The following HORMAD2 variants were observed in gnomAD, a reference collection of about 807,000 sequenced individuals.
HORMAD2 encodes the protein HORMA domain-containing protein 2.
Under a neutral mutation model 38.8 loss-of-function variants are expected in HORMAD2, and 45 were observed. The observed-to-expected ratio is 1.16, with a 90% CI of 0.91 to 1.49. The LOEUF (loss-of-function observed/expected upper bound fraction) is 1.49. Ranked by LOEUF, HORMAD2 falls within the 40% of genes most tolerant of loss-of-function variation. The pLI is 0.00. For synonymous variants in HORMAD2, 126 were observed against 122.8 expected (o/e 1.03, Z -0.17); for missense variants, 338 against 367.0 (o/e 0.92, Z 0.65).
chr22:30,136,463 T>C (rs1923662460), intron 10 of HORMAD2, among the ~76,000 whole-genome samples: 1 of 152,180 alleles, frequency 6.6e-6, no homozygotes, highest in African/African-American at 2.4e-5. Flanking sequence ...CTTCCTGTCT[T>C]ATTTCTCCTC....
the HORMAD2 span, among the ~76,000 whole-genome samples, chr22:30,182,453 G>T: frequency 6.6e-6 from 1 of 152,196 alleles, no homozygotes. Flanking sequence ...TCAGATGCCA[G>T]CCATGGCCAC....
rs868295486 is a variant in HORMAD2 at position 30,152,831 on chromosome 22, A to G, written c.820-23232A>G. ...TTTGATCATATGCTCTTCTAGCTCT[A>G]TGTGCTTTCCTTTGGAAGATTCATC... On this transcript the variant is annotated intron_variant, in intron 10 of 10. Transcript: ENST00000336726. Among the ~76,000 whole-genome samples, 22 of 152,194 alleles carry G rather than the reference A, an allele frequency of 1.4e-4. No individual in the cohort carries two copies. The Middle Eastern group carries it at 0.01, about 71-fold the overall frequency.
chr22:30,177,838 C>T (rs531679455), downstream of HORMAD2, among the ~76,000 whole-genome samples: 2 of 151,100 alleles, frequency 1.3e-5, no homozygotes, highest in African/African-American at 4.9e-5. Context: ...TGCCACCATG[C>T]CTGGCTAATT....
chr22:30,104,189 G>C (rs748378269), intron 4 of HORMAD2, among the ~76,000 whole-genome samples: 8 of 151,960 alleles, frequency 5.3e-5, no homozygotes, highest in Non-Finnish European at 7.4e-5. Context: ...AAAAAATTTG[G>C]TTCACTACCA....
the HORMAD2 span, among the ~76,000 whole-genome samples, chr22:30,205,088 A>AAATTATAATATTT: frequency 6.6e-6 from 1 of 152,200 alleles, no homozygotes; most frequent in Non-Finnish European, 1.5e-5. Context: ...GAGCGAAATG[A>AAATTATAATATTT]AATTATAATA....
chr22:30,127,823 C>T (rs1485565421), intron 10 of HORMAD2, among the ~76,000 whole-genome samples: 1 of 152,174 alleles, frequency 6.6e-6, no homozygotes, highest in Non-Finnish European at 1.5e-5. Flanking sequence ...TGGTATTGCA[C>T]CATCACTTTT....
chr22:30,190,763 G>A, the HORMAD2 span, among the ~76,000 whole-genome samples: 1 of 152,250 alleles, frequency 6.6e-6, no homozygotes, highest in African/African-American at 2.4e-5. Context: ...AACAGCTGTA[G>A]CACTGCAATT....
intron 10 of HORMAD2, among the ~76,000 whole-genome samples, chr22:30,154,009 T>C (rs1361507954): frequency 6.6e-6 from 1 of 152,212 alleles, no homozygotes; most frequent in East Asian, 1.9e-4. Flanking sequence ...AAGATGTCAA[T>C]CTATTCATGT....
chr22:30,130,888 T>C (rs1923236479), intron 10 of HORMAD2, among the ~76,000 whole-genome samples: 1 of 152,014 alleles, frequency 6.6e-6, no homozygotes, highest in Non-Finnish European at 1.5e-5. Context: ...AGAGCCACCA[T>C]GCCTGGCCAG....
the HORMAD2 span, among the ~76,000 whole-genome samples, chr22:30,197,680 C>T: frequency 6.6e-6 from 1 of 152,088 alleles, no homozygotes; most frequent in South Asian, 2.1e-4. Flanking sequence ...ATGACAGAGA[C>T]ACCAACTCAG....
At chr22:30,141,618 G>A (rs1924077283) in intron 10 of HORMAD2, among the ~76,000 whole-genome samples, 1 of 144,636 alleles carries the variant, frequency 6.9e-6, no homozygotes. Context: ...TTTTTGAGAC[G>A]GAGTCTTGCT....
rs112872384 is a variant in HORMAD2, at chr22:30,124,835, G to A, written c.819+2621G>A. Among the ~76,000 whole-genome samples the A allele has an allele frequency of 5.5e-3, 836 of 152,146 alleles. 8 individuals carry two copies. The highest frequency in any genetic ancestry group is 0.019 in the African/African-American group (782 of 41,496). On this transcript the variant is annotated intron_variant, in intron 10 of 10. Coordinates refer to ENST00000336726, the MANE Select transcript of HORMAD2 (RefSeq NM_152510.4). ...GGCTTGTGTATTTTCAACTATATTA[G>A]GTAAAGCAAAACTGTTTTCCAAAGT...
At position 30,165,167 on chromosome 22, in the gene HORMAD2, G is replaced by A. The variant is rs546243814; in HGVS notation, c.820-10896G>A. On this transcript the variant is annotated intron_variant, in intron 10 of 10. Coordinates refer to ENST00000336726, the MANE Select transcript of HORMAD2 (RefSeq NM_152510.4). ...ATATGGATATTCCATTTTCTTAACAGCGTTTGTTGAAAAGACTATCTTTCC... is the reference window on the plus strand; with the variant it reads ...ATATGGATATTCCATTTTCTTAACAACGTTTGTTGAAAAGACTATCTTTCC... 8.5e-5 allele frequency among the ~76,000 whole-genome samples: 13 copies of A among 152,176 alleles called. No homozygotes were observed. The South Asian group carries it at 2.7e-3, about 32-fold the overall frequency.
intron 10 of HORMAD2, among the ~76,000 whole-genome samples, chr22:30,134,450 ATATAT>A (rs1043801278): frequency 6.8e-6 from 1 of 147,572 alleles, no homozygotes; most frequent in South Asian, 2.1e-4. Context: ...TCATAAATAA[ATATAT>A]TATATATATG....
chr22:30,098,474 T>C (rs1401261772), intron 2 of HORMAD2, among the ~76,000 whole-genome samples: 1 of 152,166 alleles, frequency 6.6e-6, no homozygotes, highest in African/African-American at 2.4e-5. Flanking sequence ...AGAGGTCAAC[T>C]ATAGGATTGT....
rs565986170 is a variant in HORMAD2 at position 30,122,877 on chromosome 22, A to G, written c.819+663A>G. On this transcript the variant is annotated intron_variant, in intron 10 of 10. Transcript: ENST00000336726. ...CTTAACTGGTGGTTGTCTGGATAAT[A>G]ATGTTAACTGTATGACAACATTGTG... Among the ~76,000 whole-genome samples the G allele has an allele frequency of 1.3e-3, 205 of 152,206 alleles. 1 individual carries two copies. Among genetic ancestry groups the G allele is most frequent in the Non-Finnish European group, 2.2e-3 (149 of 68,036 alleles).
chr22:30,183,503 C>T, the HORMAD2 span, among the ~76,000 whole-genome samples: 1 of 152,140 alleles, frequency 6.6e-6, no homozygotes, highest in Non-Finnish European at 1.5e-5. Flanking sequence ...TTACTCCAGG[C>T]CAGACACTCC....
chr22:30,176,010 T>C, intron 10 of HORMAD2, 53 bp from the exon 11 acceptor site: 1 of 1,142,968 alleles, frequency 8.7e-7, no homozygotes. Flanking sequence ...ATATGTCTTG[T>C]GCAGATGTCA....
At chr22:30,087,971 C>T (rs527843599) in intron 1 of HORMAD2, among the ~76,000 whole-genome samples, 2 of 151,710 alleles carry the variant, frequency 1.3e-5, no homozygotes, top group Non-Finnish European at 2.9e-5. Flanking sequence ...TTCTCTCTCT[C>T]TCTCTATATA....
Sources: gnomAD v4.1 joint callset for allele counts (sites outside exome capture counted in the v4.1 genomes callset) on GRCh38, gnomAD v4.1.1 for gene constraint, MANE v1.5 for transcripts, NCBI Gene and HGNC (gene_info 2026-07-23, HGNC 2026-07-21) for gene names.